The following ASTN2 variants were observed in gnomAD, a reference collection of about 807,000 sequenced individuals.
The protein encoded by ASTN2 is astrotactin 2.
In ASTN2, 54 loss-of-function variants were observed where a neutral mutation model predicts 139.8. That is an observed-to-expected ratio of 0.39 (90% CI 0.31 to 0.48). The LOEUF (loss-of-function observed/expected upper bound fraction) is 0.48. Ranked by LOEUF, ASTN2 falls within the 20% of genes least tolerant of loss-of-function variation. The pLI, the probability that ASTN2 is intolerant of heterozygous loss-of-function variation, is 0.95. For synonymous variants in ASTN2, 756 were observed against 719.5 expected (o/e 1.05, Z -0.81); for missense variants, 1,565 against 1,725.1 (o/e 0.91, Z 1.64).
chr9:116,513,993 C>G (rs1463179393), intron 19 of ASTN2, among the ~76,000 whole-genome samples: 1 of 151,632 alleles, frequency 6.6e-6, no homozygotes, highest in African/African-American at 2.4e-5. Context: ...GCCTTCTTCT[C>G]TCAACTCCTC....
intron 10 of ASTN2, among the ~76,000 whole-genome samples, chr9:116,932,870 G>GTGGCA (rs1834943540): frequency 6.6e-6 from 1 of 151,984 alleles, no homozygotes; most frequent in Non-Finnish European, 1.5e-5. Flanking sequence ...GCTGGGCATG[G>GTGGCA]TGGCACGCAC....
At chr9:116,791,038 A>G (rs1385842847) in intron 13 of ASTN2, among the ~76,000 whole-genome samples, 2 of 90,306 alleles carry the variant, frequency 2.2e-5, no homozygotes, top group Admixed American at 1.2e-4. Context: ...AAAGAAAGAA[A>G]GAAAGAAAAG....
intron 3 of ASTN2, chr9:117,180,947 C>T (rs1027511660): frequency 6.3e-6 from 10 of 1,598,078 alleles, no homozygotes; most frequent in Non-Finnish European, 8.5e-6. Context: ...GACATGATAA[C>T]TTGGCCAATG....
At chr9:117,186,201 G>C (rs1372403565) in intron 3 of ASTN2, among the ~76,000 whole-genome samples, 2 of 152,112 alleles carry the variant, frequency 1.3e-5, no homozygotes, top group African/African-American at 4.8e-5. Context: ...TTAAGTACTG[G>C]TCACACAACT....
chr9:116,679,092 T>C (rs1859678729), intron 16 of ASTN2, among the ~76,000 whole-genome samples: 1 of 152,168 alleles, frequency 6.6e-6, no homozygotes, highest in South Asian at 2.1e-4. Flanking sequence ...GAAAGCTAAG[T>C]CTCCTCTATC....
intron 10 of ASTN2, among the ~76,000 whole-genome samples, chr9:116,868,350 C>A (rs1833070299): frequency 6.6e-6 from 1 of 152,180 alleles, no homozygotes; most frequent in Non-Finnish European, 1.5e-5. Context: ...TGAGGCCAGG[C>A]TGTGCACTCG....
At chr9:116,604,285 T>C (rs1222619310) in intron 19 of ASTN2, among the ~76,000 whole-genome samples, 1 of 152,184 alleles carries the variant, frequency 6.6e-6, no homozygotes, top group Non-Finnish European at 1.5e-5. Flanking sequence ...ATGAACAGGA[T>C]AAAGACTCTC....
At chr9:116,689,086 A>G (rs1178767546) in intron 16 of ASTN2, among the ~76,000 whole-genome samples, 1 of 152,114 alleles carries the variant, frequency 6.6e-6, no homozygotes, top group African/African-American at 2.4e-5. Flanking sequence ...TAAACATTTG[A>G]CAATGTGTGG....
At chr9:116,974,664 A>T (rs1472417159) in intron 10 of ASTN2, among the ~76,000 whole-genome samples, 1 of 152,000 alleles carries the variant, frequency 6.6e-6, no homozygotes, top group Non-Finnish European at 1.5e-5. Flanking sequence ...GTGCACCATC[A>T]CATCAGGCTA....
intron 13 of ASTN2, among the ~76,000 whole-genome samples, chr9:116,800,086 G>C (rs1195825508): frequency 6.6e-6 from 1 of 152,108 alleles, no homozygotes; most frequent in Non-Finnish European, 1.5e-5. Context: ...GGAATAAACT[G>C]TATTTTGATT....
intron 10 of ASTN2, among the ~76,000 whole-genome samples, chr9:116,947,342 G>A (rs118116343): frequency 0.02 from 3,061 of 152,290 alleles, 52 homozygotes; most frequent in Non-Finnish European, 0.03. Context: ...GAGTTAGGCT[G>A]ATGAGGTTGT....
At chr9:116,510,761 G>A (rs1440032256) in intron 19 of ASTN2, among the ~76,000 whole-genome samples, 1 of 152,126 alleles carries the variant, frequency 6.6e-6, no homozygotes, top group Non-Finnish European at 1.5e-5. Context: ...TCTCTTTGAA[G>A]CAATTGTGAA....
intron 2 of ASTN2, chr9:117,277,051 C>G (rs1029623787): frequency 6.6e-6 from 1 of 150,638 alleles, no homozygotes; most frequent in Non-Finnish European, 1.5e-5. Flanking sequence ...TTCAGCTGAT[C>G]TGTCTGGCAA....
At chr9:116,556,298 G>C (rs1852612497) in intron 19 of ASTN2, among the ~76,000 whole-genome samples, 1 of 152,074 alleles carries the variant, frequency 6.6e-6, no homozygotes, top group Admixed American at 6.5e-5. Flanking sequence ...TTGGGGTGGA[G>C]GAGAGGTCCT....
intron 1 of ASTN2, among the ~76,000 whole-genome samples, chr9:117,301,769 G>C (rs1245168048): frequency 6.6e-6 from 1 of 152,090 alleles, no homozygotes; most frequent in Admixed American, 6.6e-5. Flanking sequence ...ATATCTCCTG[G>C]GAAAGAGGTA....
At chr9:116,805,424 G>C (rs1831004031) in intron 13 of ASTN2, among the ~76,000 whole-genome samples, 1 of 151,984 alleles carries the variant, frequency 6.6e-6, no homozygotes, top group Non-Finnish European at 1.5e-5. Context: ...TGGCAAAGTG[G>C]GACAAATATA....
chr9:117,318,689 G>C (rs928548090), intron 1 of ASTN2, among the ~76,000 whole-genome samples: 11 of 152,258 alleles, frequency 7.2e-5, no homozygotes, highest in Non-Finnish European at 1.3e-4. Context: ...GAAGCCAGAG[G>C]GGCTTTAGAA....
At position 116,744,421 on chromosome 9, in the gene ASTN2, CT is replaced by C. The variant is rs1348997818; in HGVS notation, c.2397-10899del. On this transcript the variant is annotated intron_variant, in intron 13 of 22. Coordinates refer to ENST00000313400, the MANE Select transcript of ASTN2 (RefSeq NM_001365068.1). ...GGAAAGCAAAACCATCAGATAGGAG[CT>C]TCAAAAAGACTGCCTGACTACAGGG... 3.9e-5 allele frequency among the ~76,000 whole-genome samples: 6 copies of C among 152,120 alleles called. No individual in the cohort carries two copies. In the South Asian group the frequency reaches 1.2e-3, roughly 32 times the overall value.
At chr9:116,831,576 TAAAC>T (rs1831815950) in intron 11 of ASTN2, among the ~76,000 whole-genome samples, 1 of 151,958 alleles carries the variant, frequency 6.6e-6, no homozygotes, top group African/African-American at 2.4e-5. Context: ...AATTAACAAG[TAAAC>T]AAACAAAATG....
Sources: gnomAD v4.1 joint callset for allele counts (sites outside exome capture counted in the v4.1 genomes callset) on GRCh38, gnomAD v4.1.1 for gene constraint, MANE v1.5 for transcripts, NCBI Gene and HGNC (gene_info 2026-07-23, HGNC 2026-07-21) for gene names.